The following GRID1 variants were observed in gnomAD, a reference collection of about 807,000 sequenced individuals.
GRID1 encodes the protein glutamate ionotropic receptor delta type subunit 1.
A neutral mutation model predicts 98.0 loss-of-function variants in GRID1; 28 were observed. The observed-to-expected ratio is 0.29, with a 90% CI of 0.21 to 0.39. The LOEUF (loss-of-function observed/expected upper bound fraction) is 0.39, where lower values mean the gene tolerates loss of function less well. Among genes scored for constraint, GRID1 ranks in the 10% least tolerant of loss-of-function variants. GRID1 has a pLI of 1.00. For missense variants in GRID1, 1,111 were observed against 1,340.5 expected (o/e 0.83, Z 2.67); for synonymous variants, 553 against 538.5 (o/e 1.03, Z -0.37).
At chr10:86,126,193 C>G (rs1427552594) in intron 4 of GRID1, among the ~76,000 whole-genome samples, 1 of 152,218 alleles carries the variant, frequency 6.6e-6, no homozygotes, top group Non-Finnish European at 1.5e-5. Flanking sequence ...TGGTGGCTCA[C>G]GCCTGTAATC....
At chr10:86,096,861 C>T (rs931342599) in intron 4 of GRID1, among the ~76,000 whole-genome samples, 6 of 152,174 alleles carry the variant, frequency 3.9e-5, no homozygotes, top group African/African-American at 1.4e-4. Flanking sequence ...CTGTTTCTTC[C>T]GTAGCCAGGA....
intron 3 of GRID1, among the ~76,000 whole-genome samples, chr10:86,156,375 G>A (rs1013182443): frequency 2.6e-5 from 4 of 152,226 alleles, no homozygotes; most frequent in Non-Finnish European, 2.9e-5. Context: ...TTCAGGCCCA[G>A]CCTGTCAGAG....
At chr10:85,821,516 C>CAAAAAAAAAAAAA (rs1157209045) in intron 8 of GRID1, among the ~76,000 whole-genome samples, 4 of 9,114 alleles carry the variant, frequency 4.4e-4, no homozygotes, top group East Asian at 1.9e-3. Context: ...GACTTCATCT[C>CAAAAAAAAAAAAA]AAAAAAAAAA....
At chr10:86,294,450 C>T (rs557922288) in intron 2 of GRID1, among the ~76,000 whole-genome samples, 2 of 152,276 alleles carry the variant, frequency 1.3e-5, no homozygotes, top group East Asian at 1.9e-4. Context: ...TGTCAGGAAG[C>T]CATTCCAAGA....
intron 2 of GRID1, among the ~76,000 whole-genome samples, chr10:86,353,670 G>A (rs924791592): frequency 6.6e-6 from 1 of 152,232 alleles, no homozygotes; most frequent in African/African-American, 2.4e-5. Flanking sequence ...TCCAGTTGGG[G>A]TTCTGTGATA....
rs750758412 is a variant in GRID1, at chr10:85,602,680, G to C, written c.2623C>G (p.Gln875Glu). 2 of 1,612,396 alleles carry C rather than the reference G, an allele frequency of 1.2e-6. No homozygotes were observed. The highest frequency in any genetic ancestry group is 2.7e-5 in the African/African-American group (2 of 74,920). ...AGGCTGTTCATGCGCCGGTGGACCT[G>C]CTCCAAGTTCACTTCTTTGTCCTGG... The part of the protein sequence containing the change: ...PKEDKEVNLE[Q>E]VHRRMNSLMD... Residue 875 changes from glutamine (Q) to glutamate (E), a missense_variant, in exon 16 of 16, where the codon CAG becomes GAG. Gln to Glu is a conservative substitution (Grantham distance 29). Transcript: ENST00000327946.
At chr10:85,986,406 G>T (rs1275532669) in intron 4 of GRID1, among the ~76,000 whole-genome samples, 1 of 152,232 alleles carries the variant, frequency 6.6e-6, no homozygotes, top group Non-Finnish European at 1.5e-5. Context: ...AATCCAGTTT[G>T]TTGTCTGAGA....
rs139831224 is a variant in GRID1 at position 85,693,805 on chromosome 10, C to T, written c.1997+29198G>A. ...CAACTCAAGATGAATCAAAGACTTACATGTAAGACTGAAACTACAGAAATA... is the reference window on the plus strand; with the variant it reads ...CAACTCAAGATGAATCAAAGACTTATATGTAAGACTGAAACTACAGAAATA... On this transcript the variant is annotated intron_variant, in intron 12 of 15. Coordinates refer to ENST00000327946, the MANE Select transcript of GRID1 (RefSeq NM_017551.3). Among the ~76,000 whole-genome samples the T allele has an allele frequency of 8.6e-3, 1,302 of 152,222 alleles. 6 individuals are homozygous for T. The highest frequency in any genetic ancestry group is 0.013 in the Non-Finnish European group (894 of 67,976).
At chr10:85,681,729 T>C (rs1841211233) in intron 12 of GRID1, among the ~76,000 whole-genome samples, 1 of 152,176 alleles carries the variant, frequency 6.6e-6, no homozygotes, top group Admixed American at 6.5e-5. Flanking sequence ...CTCCAGGTTG[T>C]TCTGCTGGCA....
At chr10:85,690,350 T>C (rs1313070325) in intron 12 of GRID1, among the ~76,000 whole-genome samples, 2 of 152,208 alleles carry the variant, frequency 1.3e-5, no homozygotes, top group East Asian at 3.8e-4. Context: ...TTGAATACAA[T>C]GGTTCTAAGG....
intron 4 of GRID1, among the ~76,000 whole-genome samples, chr10:86,007,818 GTTTTTTTATTTA>G (rs952555568): frequency 5.1e-5 from 7 of 136,322 alleles, no homozygotes; most frequent in Admixed American, 3.6e-4. Flanking sequence ...TGTTTTTTGT[GTTTTTTTATTTA>G]TTTATTTATT....
chr10:85,979,357 G>T (rs1429684798), intron 4 of GRID1, among the ~76,000 whole-genome samples: 3 of 152,138 alleles, frequency 2.0e-5, no homozygotes, highest in Admixed American at 6.5e-5. Flanking sequence ...TGCTAGGGCT[G>T]CCATAATAAA....
intron 5 of GRID1, among the ~76,000 whole-genome samples, chr10:85,873,953 C>G (rs1461605037): frequency 6.6e-6 from 1 of 152,222 alleles, no homozygotes; most frequent in Admixed American, 6.5e-5. Context: ...ATAGGTGCAG[C>G]TCAGCTCTAG....
intron 4 of GRID1, among the ~76,000 whole-genome samples, chr10:86,124,599 T>C (rs1216311778): frequency 6.6e-6 from 1 of 152,192 alleles, no homozygotes; most frequent in Non-Finnish European, 1.5e-5. Context: ...GGGTTGTCAC[T>C]ACCCACATGA....
intron 8 of GRID1, among the ~76,000 whole-genome samples, chr10:85,770,073 C>G (rs1842241762): frequency 6.6e-6 from 1 of 152,174 alleles, no homozygotes; most frequent in African/African-American, 2.4e-5. Context: ...TGAGAGGCAC[C>G]CCCCAGTAGG....
intron 4 of GRID1, among the ~76,000 whole-genome samples, chr10:85,939,223 T>G (rs1488434139): frequency 2.6e-5 from 4 of 152,130 alleles, no homozygotes; most frequent in Non-Finnish European, 4.4e-5. Context: ...CTTCCCCACC[T>G]CTCCCTACCC....
Position 86,112,078 on chromosome 10 carries a change from C to A in GRID1, c.726+26741G>T, listed in dbSNP as rs558626589. The stretch of plus-strand genomic sequence containing the variant: ...TTCAGGTGTAAGACCTGAGTTGCCA[C>A]AAAGTGTCTTAGATGACTCAACACA... On this transcript the variant is annotated intron_variant, in intron 4 of 15. Transcript: ENST00000327946. 1.2e-4 allele frequency among the ~76,000 whole-genome samples: 18 copies of A among 152,304 alleles called. No individual in the cohort carries two copies. The South Asian group carries it at 3.3e-3, about 28-fold the overall frequency.
intron 2 of GRID1, among the ~76,000 whole-genome samples, chr10:86,296,311 T>G (rs545697536): frequency 6.6e-6 from 1 of 152,366 alleles, no homozygotes; most frequent in South Asian, 2.1e-4. Flanking sequence ...TCTGTCTGTT[T>G]GAGGACAAGT....
chr10:85,646,364 C>A (rs1477492616), intron 13 of GRID1: 1 of 152,490 alleles, frequency 6.6e-6, no homozygotes, highest in Non-Finnish European at 1.5e-5. Context: ...ACCCCACCAC[C>A]AGCAGCAAAA....
Sources: gnomAD v4.1 joint callset for allele counts (sites outside exome capture counted in the v4.1 genomes callset) on GRCh38, gnomAD v4.1.1 for gene constraint, MANE v1.5 for transcripts, NCBI Gene and HGNC (gene_info 2026-07-23, HGNC 2026-07-21) for gene names.